Variants in PLEKHD1 observed in about 807,000 individuals in gnomAD.
The protein encoded by PLEKHD1 is pleckstrin homology domain-containing family D member 1.
PLEKHD1 carries 51 observed loss-of-function variants against 69.2 expected under a neutral mutation model. The observed-to-expected ratio is 0.74, with a 90% CI of 0.59 to 0.93. The LOEUF (loss-of-function observed/expected upper bound fraction) is 0.93, where lower values mean the gene tolerates loss of function less well. Ranked by LOEUF, PLEKHD1 falls within the 40% of genes least tolerant of loss-of-function variation. The pLI is 0.00. For missense variants in PLEKHD1, 584 were observed against 641.0 expected (o/e 0.91, Z 0.96); for synonymous variants, 236 against 244.7 (o/e 0.96, Z 0.33).
the PLEKHD1 span, among the ~76,000 whole-genome samples, chr14:69,469,571 G>A: frequency 2.6e-5 from 4 of 151,922 alleles, no homozygotes; most frequent in Non-Finnish European, 1.5e-5. Flanking sequence ...CAGCATGCCT[G>A]GATAATTTTT....
At chr14:69,488,087 C>T (rs766810020) in intron 1 of PLEKHD1, among the ~76,000 whole-genome samples, 14 of 152,156 alleles carry the variant, frequency 9.2e-5, no homozygotes, top group Admixed American at 2.6e-4. Context: ...AACCGAGCTC[C>T]GCAGTTTACT....
upstream of PLEKHD1, among the ~76,000 whole-genome samples, chr14:69,483,904 G>T (rs1882593603): frequency 6.6e-6 from 1 of 152,212 alleles, no homozygotes; most frequent in Admixed American, 6.5e-5. Flanking sequence ...AAAATGAGCC[G>T]GTCACCCCAA....
At chr14:69,480,101 G>A (rs564884844), upstream of PLEKHD1, among the ~76,000 whole-genome samples, 1 of 152,334 alleles carries the variant, frequency 6.6e-6, no homozygotes, top group African/African-American at 2.4e-5. Context: ...GCAGACAGAC[G>A]TGTGTTAGAA....
Position 69,500,900 on chromosome 14 carries a change from G to A in PLEKHD1, c.363G>A (p.Glu121=), listed in dbSNP as rs1330018606. The A allele has an allele frequency of 1.3e-6, 2 of 1,551,708 alleles. No homozygotes were observed. The highest frequency in any genetic ancestry group is 1.7e-6 in the Non-Finnish European group (2 of 1,147,008). Residue 121 remains glutamate (E), a synonymous_variant, in exon 4 of 13, where the codon GAG becomes GAA. Transcript: ENST00000322564. ...HGNILLAAES[E]FEQTQWLEML... ...ACATCTTGCTTGCTGCTGAGTCGGA[G>A]TTTGAGCAGACCCAGTGGCTGGAGA...
At chr14:69,510,822 T>C (rs1358269350) in intron 6 of PLEKHD1, among the ~76,000 whole-genome samples, 1 of 152,242 alleles carries the variant, frequency 6.6e-6, no homozygotes, top group African/African-American at 2.4e-5. Flanking sequence ...GACATCCTCA[T>C]CTTCTTCCTT....
At chr14:69,491,564 G>C (rs749972350) in intron 1 of PLEKHD1, among the ~76,000 whole-genome samples, 1 of 152,136 alleles carries the variant, frequency 6.6e-6, no homozygotes, top group Non-Finnish European at 1.5e-5. Flanking sequence ...AGTGGCATTC[G>C]CATCTCCAAA....
the PLEKHD1 span, among the ~76,000 whole-genome samples, chr14:69,468,540 C>T: frequency 5.9e-5 from 8 of 135,106 alleles, no homozygotes; most frequent in East Asian, 2.0e-4. Context: ...ATATTTCCTT[C>T]CTTCCTTTCT....
At position 69,528,589 on chromosome 14, in the gene PLEKHD1, A is replaced by G; in HGVS notation, c.*170A>G. ...CCAGCCTTGCCCTCAAAGGACATGGACGCTGCCTTCCTCATCCTCACCCCA... is the reference window on the plus strand; with the variant it reads ...CCAGCCTTGCCCTCAAAGGACATGGGCGCTGCCTTCCTCATCCTCACCCCA... On this transcript the variant is annotated 3_prime_UTR_variant, in exon 13 of 13. Coordinates refer to ENST00000322564, the MANE Select transcript of PLEKHD1 (RefSeq NM_001161498.2). 1 of 920,268 alleles carries G rather than the reference A, an allele frequency of 1.1e-6. No homozygotes were observed. The highest frequency in any genetic ancestry group is 1.8e-5 in the South Asian group (1 of 56,918). 57.0% of individuals were successfully genotyped at this position (920,268 alleles called of 1,614,324 possible).
At chr14:69,492,440 A>G (rs560977851) in intron 1 of PLEKHD1, among the ~76,000 whole-genome samples, 5 of 152,288 alleles carry the variant, frequency 3.3e-5, no homozygotes, top group South Asian at 4.1e-4. Context: ...GCACATTACA[A>G]TGTTGCAGTC....
At chr14:69,518,687 T>C (rs1883441461) in intron 6 of PLEKHD1, among the ~76,000 whole-genome samples, 1 of 152,088 alleles carries the variant, frequency 6.6e-6, no homozygotes, top group Non-Finnish European at 1.5e-5. Context: ...TTCTTTGGCT[T>C]GGAGGAGAGG....
At chr14:69,482,798 G>A (rs922337515), upstream of PLEKHD1, among the ~76,000 whole-genome samples, 7 of 151,582 alleles carry the variant, frequency 4.6e-5, no homozygotes, top group Admixed American at 1.3e-4. Flanking sequence ...CAGGACACCT[G>A]TAATCCCAGC....
chr14:69,501,605 G>T, intron 4 of PLEKHD1, 129 bp from the exon 5 acceptor site: 1 of 669,720 alleles, frequency 1.5e-6, no homozygotes, highest in Non-Finnish European at 2.5e-6. Context: ...AATGCAAGTT[G>T]AGATTCTGGA....
chr14:69,489,301 G>A (rs1882720928), intron 1 of PLEKHD1, among the ~76,000 whole-genome samples: 1 of 152,152 alleles, frequency 6.6e-6, no homozygotes. Context: ...GTGGTGGCTG[G>A]TAATTCCAGC....
chr14:69,497,351 A>C (rs1218608018), intron 1 of PLEKHD1, among the ~76,000 whole-genome samples: 6 of 152,256 alleles, frequency 3.9e-5, no homozygotes, highest in Admixed American at 3.3e-4. Context: ...TGGAACAGCC[A>C]GGGGACACCT....
Position 69,522,318 on chromosome 14 carries a change from G to A in PLEKHD1, c.591G>A (p.Glu197=). 1 of 1,551,626 alleles carries A rather than the reference G, an allele frequency of 6.4e-7. No individual in the cohort carries two copies. Among genetic ancestry groups the A allele is most frequent in the Non-Finnish European group, 8.7e-7 (1 of 1,146,948 alleles). ...GCCTTAACCAGGTGCTGGAGGCCGAGAAGCAGCAGTTCGAGGAGGTGGTGC... is the reference window on the plus strand; with the variant it reads ...GCCTTAACCAGGTGCTGGAGGCCGAAAAGCAGCAGTTCGAGGAGGTGGTGC... ...LERLNQVLEA[E]KQQFEEVVQE... The change falls in exon 7 of 13, where the codon GAG becomes GAA. Residue 197 remains glutamate (E), a synonymous_variant. Coordinates refer to ENST00000322564, the MANE Select transcript of PLEKHD1 (RefSeq NM_001161498.2).
At chr14:69,482,461 T>C (rs1180915451), upstream of PLEKHD1, among the ~76,000 whole-genome samples, 1 of 152,142 alleles carries the variant, frequency 6.6e-6, no homozygotes, top group South Asian at 2.1e-4. Context: ...CCAGGAACCA[T>C]ATCTAAGAAG....
chr14:69,515,155 G>A (rs994069228), intron 6 of PLEKHD1, among the ~76,000 whole-genome samples: 1 of 152,122 alleles, frequency 6.6e-6, no homozygotes, highest in African/African-American at 2.4e-5. Flanking sequence ...CCAAGATCAC[G>A]CCACTGCACT....
chr14:69,509,559 TG>T (rs1883224090), intron 6 of PLEKHD1, among the ~76,000 whole-genome samples: 1 of 152,218 alleles, frequency 6.6e-6, no homozygotes, highest in Non-Finnish European at 1.5e-5. Flanking sequence ...ATTTATTTTT[TG>T]TGAAAAGTGT....
At chr14:69,525,030 T>A (rs141450441) in intron 8 of PLEKHD1, among the ~76,000 whole-genome samples, 1 of 152,290 alleles carries the variant, frequency 6.6e-6, no homozygotes, top group African/African-American at 2.4e-5. Flanking sequence ...GGAGAACTTC[T>A]ATTCACCCTT....
Sources: allele counts gnomAD v4.1 joint callset (sites outside exome capture counted in the v4.1 genomes callset), GRCh38; gene constraint gnomAD v4.1.1; transcripts MANE v1.5; gene names NCBI Gene and HGNC (gene_info 2026-07-23, HGNC 2026-07-21).